Variants in ALPK2 observed in about 807,000 individuals in gnomAD.
ALPK2 encodes alpha kinase 2, also known as alpha-protein kinase 2.
Under a neutral mutation model 163.1 loss-of-function variants are expected in ALPK2, and 127 were observed. The observed-to-expected ratio is 0.78, with a 90% CI of 0.67 to 0.90. The LOEUF is 0.90. Ranked by LOEUF, ALPK2 falls within the 40% of genes least tolerant of loss-of-function variation. The pLI is 0.00. For missense variants in ALPK2, 2,360 were observed against 2,589.6 expected (o/e 0.91, Z 1.92); for synonymous variants, 953 against 959.1 (o/e 0.99, Z 0.12).
intron 4 of ALPK2, among the ~76,000 whole-genome samples, chr18:58,556,488 C>A (rs116356926): frequency 3.2e-4 from 49 of 152,162 alleles, no homozygotes; most frequent in African/African-American, 1.1e-3. Context: ...ATGAGCCAGC[C>A]GCTGCAAAGT....
intron 5 of ALPK2, among the ~76,000 whole-genome samples, chr18:58,533,328 C>T (rs891138618): frequency 2.6e-5 from 4 of 152,212 alleles, no homozygotes; most frequent in Admixed American, 1.3e-4. Flanking sequence ...TCTACCTTTA[C>T]CTGCAAAGGA....
intron 1 of ALPK2, among the ~76,000 whole-genome samples, chr18:58,623,314 C>T (rs1173930388): frequency 6.6e-6 from 1 of 151,944 alleles, no homozygotes; most frequent in African/African-American, 2.4e-5. Flanking sequence ...TCAAGCAATC[C>T]CCCCACCCAC....
intron 1 of ALPK2, among the ~76,000 whole-genome samples, chr18:58,623,330 A>T (rs1328081172): frequency 6.7e-6 from 1 of 149,594 alleles, no homozygotes. Flanking sequence ...CCCACCTCAG[A>T]CTCCCAATAC....
chr18:58,611,103 A>C (rs911424046), intron 2 of ALPK2, among the ~76,000 whole-genome samples: 1 of 151,198 alleles, frequency 6.6e-6, no homozygotes, highest in African/African-American at 2.4e-5. Context: ...AAAAAAAAAA[A>C]AACAATAAAA....
chr18:58,492,357 G>T (rs932269587), intron 12 of ALPK2, among the ~76,000 whole-genome samples: 1 of 152,088 alleles, frequency 6.6e-6, no homozygotes, highest in African/African-American at 2.4e-5. Flanking sequence ...CTTGTCTTTA[G>T]TCGACAAACT....
intron 12 of ALPK2, among the ~76,000 whole-genome samples, chr18:58,487,950 A>G (rs1394800896): frequency 6.6e-6 from 1 of 152,200 alleles, no homozygotes; most frequent in African/African-American, 2.4e-5. Flanking sequence ...GTCCCTGCGA[A>G]TGACCTCGAG....
At chr18:58,532,656 A>C (rs2051622217) in intron 5 of ALPK2, among the ~76,000 whole-genome samples, 1 of 152,246 alleles carries the variant, frequency 6.6e-6, no homozygotes, top group South Asian at 2.1e-4. Flanking sequence ...ACTGAGCATA[A>C]GCATTGCCTC....
intron 3 of ALPK2, among the ~76,000 whole-genome samples, chr18:58,583,880 T>C (rs1297819820): frequency 6.6e-6 from 1 of 151,792 alleles, no homozygotes; most frequent in Admixed American, 6.6e-5. Flanking sequence ...CCACCTCCCC[T>C]GAAGGTACCA....
chr18:58,578,738 A>ACACACGCGCGCGCGCGCG lies in ALPK2; in HGVS notation c.1962+75_1962+76insCGCGCGCGCGCGCGTGTG, dbSNP rs138127797. ...GAATGTGAAGTAAAGGAAGAGACAC[A>ACACACGCGCGCGCGCGCG]CACACACACACACACACACACACAC... On this transcript the variant is annotated intron_variant, in intron 4 of 12. Coordinates refer to ENST00000361673, the MANE Select transcript of ALPK2 (RefSeq NM_052947.4). The ACACACGCGCGCGCGCGCG allele has an allele frequency of 3.3e-5, 31 of 936,632 alleles. No homozygotes were observed. In the African/African-American group the frequency reaches 3.5e-4, roughly 10 times the overall value. 58.0% of individuals were successfully genotyped at this position (936,632 alleles called of 1,614,324 possible).
Position 58,536,241 on chromosome 18 carries a change from C to T in ALPK2, c.3946G>A (p.Gly1316Ser), listed in dbSNP as rs1262902551. Residue 1316 changes from glycine to serine, a missense_variant, in exon 5 of 13, where the codon GGC (glycine) becomes AGC (serine). By Grantham distance (56) the Gly-to-Ser change is moderately conservative. Transcript: ENST00000361673. ...TGTACACTGATGGTGGGCTCTTCGC[C>T]TTTATGGCTTTCTCTGCTATCAGCA... ...ALADSRESHK[G>S]EEPTISVHWR... 3.1e-6 allele frequency: 5 copies of T among 1,614,210 alleles called. No individual in the cohort carries two copies. The highest frequency in any genetic ancestry group is 4.2e-6 in the Non-Finnish European group (5 of 1,180,026).
At position 58,535,846 on chromosome 18, in the gene ALPK2, G is replaced by A; in HGVS notation, c.4341C>T (p.Ile1447=). 1.2e-6 allele frequency: 2 copies of A among 1,614,194 alleles called. No individual in the cohort carries two copies. Among genetic ancestry groups the A allele is most frequent in the Non-Finnish European group, 1.7e-6 (2 of 1,180,026 alleles). The part of the protein sequence containing the change: ...NDGNMGHEAE[I]QPAILQVPCL... Reference sequence around the variant, plus strand: ...ATGGAACTTGCAAAATGGCCGGCTGGATTTCCGCTTCGTGGCCCATGTTTC... The same window carrying A: ...ATGGAACTTGCAAAATGGCCGGCTGAATTTCCGCTTCGTGGCCCATGTTTC... The change falls in exon 5 of 13, where the codon ATC becomes ATT. Residue 1447 remains isoleucine (I), a synonymous_variant. Coordinates refer to ENST00000361673, the MANE Select transcript of ALPK2 (RefSeq NM_052947.4).
chr18:58,609,564 G>A (rs1375744152), intron 2 of ALPK2, among the ~76,000 whole-genome samples: 1 of 152,174 alleles, frequency 6.6e-6, no homozygotes, highest in African/African-American at 2.4e-5. Flanking sequence ...AGGCTGATGA[G>A]GGCTGATTGA....
intron 12 of ALPK2, among the ~76,000 whole-genome samples, chr18:58,493,477 A>G (rs2051385479): frequency 6.6e-6 from 1 of 152,116 alleles, no homozygotes; most frequent in African/African-American, 2.4e-5. Context: ...GTGACTGGGC[A>G]AAGCATCCCA....
At chr18:58,538,404 A>T in intron 4 of ALPK2, 180 bp from the exon 5 acceptor site, 1 of 609,684 alleles carries the variant, frequency 1.6e-6, no homozygotes. Flanking sequence ...AAAACTGCAA[A>T]TTTAAGCAAC....
intron 10 of ALPK2, among the ~76,000 whole-genome samples, chr18:58,512,882 T>G (rs903782996): frequency 8.2e-5 from 11 of 134,436 alleles, no homozygotes; most frequent in Non-Finnish European, 1.3e-4. Context: ...GTGGTGTGTG[T>G]GGGGGTGTGT....
rs1281460388 is a variant in ALPK2, at chr18:58,511,632, TATAGTC to T, written c.6029+3355_6029+3360del. The T allele has an allele frequency of 2.6e-5, 4 of 152,330 alleles. No individual in the cohort carries two copies. The East Asian group carries it at 5.8e-4, about 22-fold the overall frequency. 9.4% of individuals were successfully genotyped at this position (152,330 alleles called of 1,614,324 possible). On this transcript the variant is annotated intron_variant, in intron 10 of 12. Transcript: ENST00000361673. ...AAACATTATTTTTTATTAAAACAAA[TATAGTC>T]ATAAAGGAAGGAGGACACAACATTC...
chr18:58,607,988 G>A (rs568964253), intron 2 of ALPK2, among the ~76,000 whole-genome samples: 2 of 152,250 alleles, frequency 1.3e-5, no homozygotes, highest in South Asian at 4.1e-4. Context: ...ACCTAACCCA[G>A]CAGTTTTACC....
chr18:58,583,737 C>CAAAAA (rs576126970), intron 3 of ALPK2, among the ~76,000 whole-genome samples: 1 of 119,614 alleles, frequency 8.4e-6, no homozygotes, highest in Non-Finnish European at 1.8e-5. Flanking sequence ...GACTTTGTCT[C>CAAAAA]AAAAAAAAAA....
chr18:58,624,818 A>G (rs1413632320), intron 1 of ALPK2, among the ~76,000 whole-genome samples: 1 of 152,192 alleles, frequency 6.6e-6, no homozygotes, highest in Non-Finnish European at 1.5e-5. Context: ...AGTGCCTGAA[A>G]TTCCTATCAT....
Sources: allele counts gnomAD v4.1 joint callset (sites outside exome capture counted in the v4.1 genomes callset), GRCh38; gene constraint gnomAD v4.1.1; transcripts MANE v1.5; gene names NCBI Gene and HGNC (gene_info 2026-07-23, HGNC 2026-07-21).